PHACTR1: variants seen among roughly 807,000 people sequenced by gnomAD.
PHACTR1 encodes the protein RPEL repeat containing 1.
In PHACTR1, 16 loss-of-function variants were observed where a neutral mutation model predicts 69.2. The observed-to-expected ratio is 0.23, with a 90% CI of 0.16 to 0.35. The LOEUF (loss-of-function observed/expected upper bound fraction) is 0.35. Among genes scored for constraint, PHACTR1 ranks in the 10% least tolerant of loss-of-function variants. The pLI is 1.00. For missense variants in PHACTR1, 510 were observed against 734.7 expected, an observed-to-expected ratio of 0.69 and a Z score of 3.54; for synonymous variants, 312 against 284.5, an observed-to-expected ratio of 1.10 and a Z score of -0.97.
At chr6:12,883,583 A>G (rs1783324259) in intron 4 of PHACTR1, among the ~76,000 whole-genome samples, 1 of 151,028 alleles carries the variant, frequency 6.6e-6, no homozygotes, top group African/African-American at 2.4e-5. Flanking sequence ...AAAAAGAAAT[A>G]CCCCAACTCC....
chr6:12,729,372 T>C (rs1005923422), intron 3 of PHACTR1, among the ~76,000 whole-genome samples: 1 of 152,214 alleles, frequency 6.6e-6, no homozygotes, highest in African/African-American at 2.4e-5. Context: ...TGTTTCTAAG[T>C]TGGCTTCAAG....
chr6:12,795,153 A>T (rs1161714850), intron 4 of PHACTR1, among the ~76,000 whole-genome samples: 1 of 152,192 alleles, frequency 6.6e-6, no homozygotes. Flanking sequence ...CATGGACCAC[A>T]CACTTAGAGT....
At chr6:12,955,695 G>A (rs1230108038) in intron 4 of PHACTR1, among the ~76,000 whole-genome samples, 3 of 152,196 alleles carry the variant, frequency 2.0e-5, no homozygotes, top group South Asian at 2.1e-4. Context: ...CTGTAGCAAC[G>A]GCCACAATAG....
chr6:12,957,248 A>G (rs28385616), intron 4 of PHACTR1: 96,725 of 530,068 alleles, frequency 0.18, 10,727 homozygotes, highest in South Asian at 0.24. Flanking sequence ...AAAGCTCAAC[A>G]AATACTCAAA....
chr6:13,127,838 A>G (rs1221493478), intron 5 of PHACTR1, among the ~76,000 whole-genome samples: 1 of 152,092 alleles, frequency 6.6e-6, no homozygotes, highest in Non-Finnish European at 1.5e-5. Context: ...AAACATATGC[A>G]TTGTATTAGT....
At chr6:13,271,234 G>C (rs1418458598) in intron 10 of PHACTR1, among the ~76,000 whole-genome samples, 1 of 152,090 alleles carries the variant, frequency 6.6e-6, no homozygotes, top group Non-Finnish European at 1.5e-5. Context: ...ACCAGATCTT[G>C]CAAGAACTCA....
intron 5 of PHACTR1, among the ~76,000 whole-genome samples, chr6:13,136,511 A>G (rs1199725499): frequency 2.0e-5 from 3 of 152,248 alleles, no homozygotes; most frequent in South Asian, 2.1e-4. Context: ...CATATCAGCA[A>G]CAAGGCTGTT....
chr6:12,867,858 T>G (rs1007485266), intron 4 of PHACTR1, among the ~76,000 whole-genome samples: 5 of 152,152 alleles, frequency 3.3e-5, no homozygotes, highest in South Asian at 2.1e-4. Context: ...ATTGTCTGTG[T>G]GTGGGTAGAC....
intron 5 of PHACTR1, among the ~76,000 whole-genome samples, chr6:13,134,729 A>G (rs1821260025): frequency 6.8e-6 from 1 of 146,870 alleles, no homozygotes; most frequent in South Asian, 2.2e-4. Flanking sequence ...CCTTCCCTCC[A>G]CTATTGTCCT....
chr6:12,862,400 C>T (rs1446731912), intron 4 of PHACTR1, among the ~76,000 whole-genome samples: 2 of 152,098 alleles, frequency 1.3e-5, no homozygotes, highest in East Asian at 1.9e-4. Context: ...TCTAGGTCAA[C>T]TACAAAGCAC....
chr6:12,756,605 G>A (rs942392946), intron 4 of PHACTR1, among the ~76,000 whole-genome samples: 14 of 152,164 alleles, frequency 9.2e-5, no homozygotes, highest in African/African-American at 2.7e-4. Context: ...ATGTAAGTGC[G>A]GTGTAAAAGC....
At chr6:13,018,719 TG>T (rs1293723162) in intron 4 of PHACTR1, among the ~76,000 whole-genome samples, 1 of 152,124 alleles carries the variant, frequency 6.6e-6, no homozygotes, top group Non-Finnish European at 1.5e-5. Flanking sequence ...GGTTCCACCT[TG>T]GGCAAGAGAA....
chr6:12,848,649 A>T (rs1168729848), intron 4 of PHACTR1, among the ~76,000 whole-genome samples: 1 of 152,218 alleles, frequency 6.6e-6, no homozygotes, highest in Admixed American at 6.5e-5. Context: ...CCTGATAAAC[A>T]TTTCAGTGTT....
chr6:12,912,584 C>A (rs556686991), intron 4 of PHACTR1, among the ~76,000 whole-genome samples: 2 of 152,194 alleles, frequency 1.3e-5, no homozygotes, highest in African/African-American at 4.8e-5. Context: ...TCCACTCCCC[C>A]ACCCTGATAG....
At chr6:13,284,102 CA>C (rs1484733403) in intron 13 of PHACTR1, among the ~76,000 whole-genome samples, 1 of 152,082 alleles carries the variant, frequency 6.6e-6, no homozygotes, top group Non-Finnish European at 1.5e-5. Flanking sequence ...GCAGTGATGC[CA>C]ATGAGAAATC....
chr6:13,082,394 A>G (rs973170518), intron 5 of PHACTR1, among the ~76,000 whole-genome samples: 1 of 152,180 alleles, frequency 6.6e-6, no homozygotes, highest in Non-Finnish European at 1.5e-5. Flanking sequence ...GGTAAAATAA[A>G]GATGTGTTAG....
rs141377099 is a variant in PHACTR1 at position 12,819,407 on chromosome 6, G to T, written c.250+69617G>T. ...AGAGCAGCTCAAACAGGTGGTCTGA[G>T]TCTCTCATATATTTCAACCACACAG... On this transcript the variant is annotated intron_variant, in intron 4 of 14. Coordinates refer to ENST00000332995, the MANE Select transcript of PHACTR1 (RefSeq NM_030948.6). Among the ~76,000 whole-genome samples, 737 of 152,292 alleles carry T rather than the reference G, an allele frequency of 4.8e-3. 3 individuals carry two copies. The highest frequency in any genetic ancestry group is 0.01 in the Middle Eastern group (3 of 294).
At chr6:12,890,826 A>G (rs566566850) in intron 4 of PHACTR1, among the ~76,000 whole-genome samples, 24 of 152,198 alleles carry the variant, frequency 1.6e-4, no homozygotes, top group African/African-American at 5.1e-4. Context: ...GTATCTCTAT[A>G]TTACCTTTTA....
At chr6:12,960,900 C>A (rs1274399045) in intron 4 of PHACTR1, among the ~76,000 whole-genome samples, 1 of 152,178 alleles carries the variant, frequency 6.6e-6, no homozygotes, top group Non-Finnish European at 1.5e-5. Context: ...TTTTTGCAGT[C>A]TCCTAACATG....
Sources: allele counts gnomAD v4.1 joint callset (sites outside exome capture counted in the v4.1 genomes callset), GRCh38; gene constraint gnomAD v4.1.1; transcripts MANE v1.5; gene names NCBI Gene and HGNC (gene_info 2026-07-23, HGNC 2026-07-21).